Variants in FAM222B observed in about 807,000 individuals in gnomAD.
The protein encoded by FAM222B is family with sequence similarity 222 member B, also known as protein FAM222B.
In FAM222B, 12 loss-of-function variants were observed where a neutral mutation model predicts 38.0. That is an observed-to-expected ratio of 0.32 (90% CI 0.20 to 0.51). The LOEUF (loss-of-function observed/expected upper bound fraction) is 0.51, where lower values mean the gene tolerates loss of function less well. Ranked by LOEUF, FAM222B falls within the 20% of genes least tolerant of loss-of-function variation. The pLI is 0.97. For synonymous variants in FAM222B, 329 were observed against 317.2 expected (o/e 1.04, Z -0.40); for missense variants, 716 against 754.2 (o/e 0.95, Z 0.59).
chr17:28,773,672 C>T (rs541268060), intron 1 of FAM222B, among the ~76,000 whole-genome samples: 5 of 151,994 alleles, frequency 3.3e-5, no homozygotes, highest in South Asian at 2.1e-4. Flanking sequence ...GTGGCATGTG[C>T]TTGTAATCCC....
At chr17:28,841,418 G>A (rs1598062219) in intron 1 of FAM222B, among the ~76,000 whole-genome samples, 1 of 152,114 alleles carries the variant, frequency 6.6e-6, no homozygotes, top group African/African-American at 2.4e-5. Flanking sequence ...ACTGTCACCC[G>A]AACTGGAGTG....
intron 1 of FAM222B, among the ~76,000 whole-genome samples, chr17:28,798,050 G>A (rs1398731465): frequency 6.6e-6 from 1 of 151,542 alleles, no homozygotes; most frequent in East Asian, 1.9e-4. Flanking sequence ...GTGAGACCCG[G>A]TCCCCCAGCC....
At chr17:28,815,236 C>CA (rs1283681112) in intron 1 of FAM222B, among the ~76,000 whole-genome samples, 2 of 142,912 alleles carry the variant, frequency 1.4e-5, no homozygotes, top group African/African-American at 5.2e-5. Context: ...TTTTTAAAGA[C>CA]AGAGTCTCGC....
intron 1 of FAM222B, among the ~76,000 whole-genome samples, chr17:28,771,918 T>G (rs1056235718): frequency 1.3e-5 from 2 of 151,430 alleles, no homozygotes; most frequent in African/African-American, 4.9e-5. Flanking sequence ...AGCCAGGTGT[T>G]TGGTGGCGGG....
chr17:28,759,268 G>T lies in FAM222B; in HGVS notation c.691C>A (p.Arg231=). Residue 231 remains arginine (R), a synonymous_variant, in exon 3 of 3, where the codon CGG becomes AGG. Transcript: ENST00000581407. This position sits in a 1 kb window ranked among gnomAD's most constrained non-coding sequence, Gnocchi z 4.8. ...GGGGCATCTGAGTCTGGCATCTTCC[G>T]GCCTCCATGCAGCAAGGGATTGTGG... is the stretch of plus-strand genomic sequence containing the variant. ...HPHNPLLHGG[R]KMPDSDAPPN... The T allele has an allele frequency of 6.2e-7, 1 of 1,613,336 alleles. No individual in the cohort carries two copies. The highest frequency in any genetic ancestry group is 8.5e-7 in the Non-Finnish European group (1 of 1,179,696).
rs1007593933 is a variant in FAM222B at position 28,788,526 on chromosome 17, A to T, written c.-40-21819T>A. Among the ~76,000 whole-genome samples the T allele has an allele frequency of 2.6e-5, 4 of 152,116 alleles. No individual in the cohort carries two copies. The East Asian group carries it at 7.7e-4, about 29-fold the overall frequency. On this transcript the variant is annotated intron_variant, in intron 1 of 2. Transcript: ENST00000581407. ...AGTGCTGGGATTACAGGCATGAGCCACCGCGTCCGGCCTCAGTATTGTTAT... is the reference window on the plus strand; with the variant it reads ...AGTGCTGGGATTACAGGCATGAGCCTCCGCGTCCGGCCTCAGTATTGTTAT...
intron 1 of FAM222B, among the ~76,000 whole-genome samples, chr17:28,768,219 G>A (rs971215222): frequency 1.3e-5 from 2 of 152,154 alleles, no homozygotes; most frequent in African/African-American, 4.8e-5. Context: ...AGCAAAAAAG[G>A]AGTGGGGGAA....
chr17:28,837,987 C>T (rs1030525927), intron 1 of FAM222B, among the ~76,000 whole-genome samples: 1 of 151,868 alleles, frequency 6.6e-6, no homozygotes, highest in Non-Finnish European at 1.5e-5. Flanking sequence ...GTTTTTAGGC[C>T]GGATGCAGTG....
chr17:28,821,532 C>T (rs144659915), intron 1 of FAM222B, among the ~76,000 whole-genome samples: 1 of 152,302 alleles, frequency 6.6e-6, no homozygotes, highest in East Asian at 1.9e-4. Context: ...ACTTTAAGAA[C>T]AAGGTCAAGT....
At position 28,766,573 on chromosome 17, in the gene FAM222B, C is replaced by A. The variant is rs762898658; in HGVS notation, c.82+13G>T. The A allele has an allele frequency of 1.9e-6, 3 of 1,582,864 alleles. No individual in the cohort carries two copies. Among genetic ancestry groups the A allele is most frequent in the South Asian group, 1.2e-5 (1 of 86,526 alleles). On this transcript the variant is annotated intron_variant, in intron 2 of 2. Transcript: ENST00000581407. ...AAGAATCACACATGCTCCATAGGAT[C>A]CAGATTACTTACATTTCTGAAGTCC...
chr17:28,850,870 CA>C (rs1402761336), intron 1 of FAM222B, among the ~76,000 whole-genome samples: 3 of 152,072 alleles, frequency 2.0e-5, no homozygotes, highest in African/African-American at 7.2e-5. Context: ...CCTGTAATCC[CA>C]ACGCTTTGGG....
At chr17:28,845,991 C>T (rs547297542), upstream of FAM222B, among the ~76,000 whole-genome samples, 20 of 150,378 alleles carry the variant, frequency 1.3e-4, no homozygotes, top group East Asian at 4.0e-3. Context: ...ATCACGAGGT[C>T]AGGAGATCGA....
At position 28,782,013 on chromosome 17, in the gene FAM222B, A is replaced by G. The variant is rs1223198478; in HGVS notation, c.-40-15306T>C. Among the ~76,000 whole-genome samples, 3 of 152,170 alleles carry G rather than the reference A, an allele frequency of 2.0e-5. No homozygotes were observed. In the East Asian group the frequency reaches 5.8e-4, roughly 29 times the overall value. On this transcript the variant is annotated intron_variant, in intron 1 of 2. Coordinates refer to ENST00000581407, the MANE Select transcript of FAM222B (RefSeq NM_001077498.3). ...CAGTCAACACTAGACTGCACATACA[A>G]TGGCAGTCCCATAAGATCAAAATAT...
chr17:28,786,597 G>T (rs1003341273), intron 1 of FAM222B, among the ~76,000 whole-genome samples: 2 of 152,070 alleles, frequency 1.3e-5, no homozygotes, highest in African/African-American at 4.8e-5. Context: ...TTTTCATTTG[G>T]ACACTTGTGC....
At chr17:28,818,596 G>A (rs995984109) in intron 1 of FAM222B, among the ~76,000 whole-genome samples, 1 of 151,344 alleles carries the variant, frequency 6.6e-6, no homozygotes, top group Non-Finnish European at 1.5e-5. Flanking sequence ...AGACTCTATA[G>A]GAATGACTGA....
intron 1 of FAM222B, among the ~76,000 whole-genome samples, chr17:28,782,119 A>T (rs1333157496): frequency 6.6e-6 from 1 of 152,076 alleles, no homozygotes; most frequent in Non-Finnish European, 1.5e-5. Flanking sequence ...GAGACCAGGA[A>T]TTTGAGACCA....
chr17:28,794,110 A>G (rs1441786044), intron 1 of FAM222B, among the ~76,000 whole-genome samples: 1 of 152,128 alleles, frequency 6.6e-6, no homozygotes, highest in African/African-American at 2.4e-5. Context: ...ACACCCTTAG[A>G]AAGAGTACAC....
chr17:28,830,823 T>TAA (rs561463978), intron 1 of FAM222B, among the ~76,000 whole-genome samples: 1 of 147,202 alleles, frequency 6.8e-6, no homozygotes, highest in Non-Finnish European at 1.5e-5. Flanking sequence ...CCATCTCTAT[T>TAA]AAAAAAAAAA....
At chr17:28,813,686 C>A (rs965505365) in intron 1 of FAM222B, among the ~76,000 whole-genome samples, 4 of 151,516 alleles carry the variant, frequency 2.6e-5, no homozygotes, top group African/African-American at 9.7e-5. Flanking sequence ...CAGGTGGCCG[C>A]CATCACGCCC....
Sources: allele counts gnomAD v4.1 joint callset (sites outside exome capture counted in the v4.1 genomes callset), GRCh38; gene constraint gnomAD v4.1.1; non-coding constraint Gnocchi (gnomAD v3.1); transcripts MANE v1.5; gene names NCBI Gene and HGNC (gene_info 2026-07-23, HGNC 2026-07-21).